The following LOXHD1 variants were observed in gnomAD, a reference collection of about 807,000 sequenced individuals.
LOXHD1 encodes lipoxygenase homology PLAT domains 1.
In LOXHD1, 205 loss-of-function variants were observed where a neutral mutation model predicts 248.2. The observed-to-expected ratio is 0.83, with a 90% confidence interval of 0.74 to 0.93. LOXHD1 has a LOEUF of 0.93. Ranked by LOEUF, LOXHD1 falls within the 40% of genes least tolerant of loss-of-function variation. The pLI is 0.00. For missense variants in LOXHD1, 2,930 were observed against 2,971.6 expected, an observed-to-expected ratio of 0.99 and a Z score of 0.33; for synonymous variants, 1,113 against 1,162.8, an observed-to-expected ratio of 0.96 and a Z score of 0.87.
intron 14 of LOXHD1, among the ~76,000 whole-genome samples, chr18:46,573,673 C>T (rs979230177): frequency 6.6e-6 from 1 of 152,126 alleles, no homozygotes; most frequent in African/African-American, 2.4e-5. Context: ...TGCTAATAGA[C>T]CACCCCTCTC....
In LOXHD1 at chr18:46,534,257, T is replaced by C. The variant is rs1174631796; in HGVS notation, c.4212+78A>G. ...CAATAAGGCTGATCTAGCCAGTAGG[T>C]CCTCACAGGGAATTTGCCTTGAACC... On this transcript the variant is annotated intron_variant, in intron 27 of 40. Coordinates refer to ENST00000642948, the MANE Select transcript of LOXHD1 (RefSeq NM_001384474.1). 16 of 929,336 alleles carry C rather than the reference T, an allele frequency of 1.7e-5. No homozygotes were observed. The East Asian group carries it at 3.7e-4, about 21-fold the overall frequency. The allele number at this position is 929,336 out of a possible 1,614,324, so 57.6% of individuals were successfully genotyped here. A position where few individuals can be genotyped will look rare whatever the true frequency, so the allele number is the denominator to read the frequency against.
intron 4 of LOXHD1, among the ~76,000 whole-genome samples, chr18:46,623,864 G>C (rs1358912349): frequency 1.3e-5 from 2 of 152,242 alleles, no homozygotes; most frequent in African/African-American, 4.8e-5. Context: ...CCATGAGGGG[G>C]CCGGGCCCCC....
intron 25 of LOXHD1, among the ~76,000 whole-genome samples, chr18:46,539,377 C>A (rs550252412): frequency 6.6e-6 from 1 of 152,248 alleles, no homozygotes; most frequent in East Asian, 1.9e-4. Flanking sequence ...AGGATAATTG[C>A]TTGAACCTGG....
At chr18:46,497,842 T>C (rs142155050) in intron 37 of LOXHD1, among the ~76,000 whole-genome samples, 2,591 of 152,162 alleles carry the variant, frequency 0.017, 64 homozygotes, top group African/African-American at 0.059. Flanking sequence ...TAGGAAGAAC[T>C]TTCAGTGAGG....
Position 46,541,175 on chromosome 18 carries a change from G to A in LOXHD1, c.3913+601C>T, listed in dbSNP as rs1394015878. Among the ~76,000 whole-genome samples the A allele has an allele frequency of 2.0e-5, 3 of 152,176 alleles. No homozygotes were observed. In the East Asian group the frequency reaches 5.8e-4, roughly 29 times the overall value. On this transcript the variant is annotated intron_variant, in intron 25 of 40. Coordinates refer to ENST00000642948, the MANE Select transcript of LOXHD1 (RefSeq NM_001384474.1). The stretch of plus-strand genomic sequence containing the variant: ...CTGATGATGACAGTGGAAAGGAAGT[G>A]TCAAAACTTCACTAAATTACTCCCT...
chr18:46,545,225 T>G, intron 23 of LOXHD1, 92 bp downstream of exon 23: 1 of 884,976 alleles, frequency 1.1e-6, no homozygotes. Context: ...GACAAAAGCA[T>G]AATTAGGATT....
intron 12 of LOXHD1, among the ~76,000 whole-genome samples, chr18:46,587,328 C>T (rs549261537): frequency 6.6e-6 from 1 of 152,314 alleles, no homozygotes; most frequent in Admixed American, 6.5e-5. Context: ...CAACACCAGC[C>T]TGGCTTCACT....
intron 4 of LOXHD1, among the ~76,000 whole-genome samples, chr18:46,633,331 TC>T (rs1294151495): frequency 6.6e-6 from 1 of 152,122 alleles, no homozygotes; most frequent in African/African-American, 2.4e-5. Context: ...ATATATATAG[TC>T]AAATAATTTT....
chr18:46,486,910 A>T (rs1209982947), intron 38 of LOXHD1, among the ~76,000 whole-genome samples: 2 of 152,186 alleles, frequency 1.3e-5, no homozygotes, highest in Non-Finnish European at 2.9e-5. Flanking sequence ...TTTGAGAGGA[A>T]GTTTCAATCA....
At chr18:46,627,517 A>G (rs925692659) in intron 4 of LOXHD1, among the ~76,000 whole-genome samples, 3 of 151,980 alleles carry the variant, frequency 2.0e-5, no homozygotes, top group African/African-American at 7.3e-5. Flanking sequence ...TTCCACAAAC[A>G]GAAAAAAAAA....
chr18:46,616,061 T>G (rs1342440940), intron 5 of LOXHD1, among the ~76,000 whole-genome samples: 1 of 152,212 alleles, frequency 6.6e-6, no homozygotes, highest in Non-Finnish European at 1.5e-5. Flanking sequence ...TCCCATTTAT[T>G]CTCAGACTTT....
chr18:46,481,709 C>T (rs1363347050), intron 40 of LOXHD1, among the ~76,000 whole-genome samples: 1 of 152,222 alleles, frequency 6.6e-6, no homozygotes, highest in Admixed American at 6.5e-5. Context: ...AAAAGACAGG[C>T]TGCATTCCTG....
intron 24 of LOXHD1, among the ~76,000 whole-genome samples, chr18:46,542,211 G>A (rs2036590906): frequency 1.3e-5 from 2 of 152,208 alleles, no homozygotes; most frequent in African/African-American, 4.8e-5. Flanking sequence ...GGGAGGCTGA[G>A]GTGGGAGGGC....
rs190272166 is a variant in LOXHD1, at chr18:46,608,592, C to A, written c.759+2184G>T. Among the ~76,000 whole-genome samples, 38 of 152,290 alleles carry A rather than the reference C, an allele frequency of 2.5e-4. No homozygotes were observed. The East Asian group carries it at 7.1e-3, about 29-fold the overall frequency. On this transcript the variant is annotated intron_variant, in intron 6 of 40. Coordinates refer to ENST00000642948, the MANE Select transcript of LOXHD1 (RefSeq NM_001384474.1). ...ATAAAATGCACAGGCCTCCTCTCCC[C>A]GCTTTGCCCAGCTAAGCAGAAAACC...
At chr18:46,612,247 G>A (rs2038519380) in intron 5 of LOXHD1, among the ~76,000 whole-genome samples, 1 of 152,180 alleles carries the variant, frequency 6.6e-6, no homozygotes, top group Admixed American at 6.5e-5. Context: ...GCTCTGAATA[G>A]ATACCTACAG....
At chr18:46,554,598 T>C (rs1449148128) in intron 21 of LOXHD1, among the ~76,000 whole-genome samples, 1 of 148,580 alleles carries the variant, frequency 6.7e-6, no homozygotes, top group African/African-American at 2.5e-5. Flanking sequence ...GCTACTTCAA[T>C]AGCAAAGGAA....
At chr18:46,562,114 T>C (rs2037541574) in intron 18 of LOXHD1, among the ~76,000 whole-genome samples, 1 of 152,256 alleles carries the variant, frequency 6.6e-6, no homozygotes, top group African/African-American at 2.4e-5. Flanking sequence ...TTTTAACTGA[T>C]GAGGAAGTGG....
intron 21 of LOXHD1, 65 bp downstream of exon 21, chr18:46,557,291 C>T (rs1388948557): frequency 6.6e-6 from 10 of 1,518,856 alleles, no homozygotes; most frequent in Non-Finnish European, 8.9e-6. Context: ...TCCAGGACTA[C>T]CTCTGTGGCA....
intron 22 of LOXHD1, among the ~76,000 whole-genome samples, chr18:46,546,503 C>CACTCCATTCCATTCCACTCT (rs1178586331): frequency 2.8e-5 from 4 of 144,624 alleles, no homozygotes; most frequent in East Asian, 4.2e-4. Flanking sequence ...CATTCCACTC[C>CACTCCATTCCATTCCACTCT]ACTCCATTCC....
Sources: allele counts gnomAD v4.1 joint callset (sites outside exome capture counted in the v4.1 genomes callset), GRCh38; gene constraint gnomAD v4.1.1; transcripts MANE v1.5; gene names NCBI Gene and HGNC (gene_info 2026-07-23, HGNC 2026-07-21).